The following ELAC2 variants were observed in gnomAD, a reference collection of about 807,000 sequenced individuals.
ELAC2 encodes elaC ribonuclease Z 2, also known as zinc phosphodiesterase ELAC protein 2.
ELAC2 carries 92 observed loss-of-function variants against 105.2 expected under a neutral mutation model. The observed-to-expected ratio is 0.87, with a 90% CI of 0.74 to 1.04. The LOEUF (loss-of-function observed/expected upper bound fraction) is 1.04. Among genes scored for constraint, ELAC2 ranks in the 50% least tolerant of loss-of-function variants. ELAC2 has a pLI of 0.00. For missense variants in ELAC2, 1,099 were observed against 1,071.7 expected (o/e 1.03, Z -0.36); for synonymous variants, 468 against 409.1 (o/e 1.14, Z -1.74).
chr17:13,004,641 T>C (rs1052852810), intron 11 of ELAC2, among the ~76,000 whole-genome samples: 5 of 152,234 alleles, frequency 3.3e-5, no homozygotes, highest in African/African-American at 9.6e-5. Context: ...ATGCAGGTAA[T>C]GGAAGAAAAT....
intron 5 of ELAC2, 56 bp from the exon 6 acceptor site, chr17:13,013,331 G>C: frequency 6.3e-7 from 1 of 1,590,004 alleles, no homozygotes; most frequent in Non-Finnish European, 8.6e-7. Context: ...TGTGTGGGAA[G>C]AGTAACTTCA....
chr17:13,011,659 T>C lies in ELAC2; in HGVS notation c.679+4A>G, dbSNP rs778170718. The C allele has an allele frequency of 1.2e-6, 2 of 1,614,196 alleles. No individual in the cohort carries two copies. The highest frequency in any genetic ancestry group is 1.7e-6 in the Non-Finnish European group (2 of 1,180,030). Reference sequence around the variant, plus strand: ...CTGCTGCTCTGTTTTGTTTATACTATTACCATGTGGAAGGTGTGGCTCATT... The same window carrying C: ...CTGCTGCTCTGTTTTGTTTATACTACTACCATGTGGAAGGTGTGGCTCATT... On this transcript the variant is annotated splice_donor_region_variant and intron_variant, in intron 7 of 23. Transcript: ENST00000338034.
Position 12,992,921 on chromosome 17 carries a change from G to A in ELAC2, c.2378C>T (p.Ala793Val), listed in dbSNP as rs774414219. Residue 793 changes from alanine to valine, a missense_variant, in exon 24 of 24, where the codon GCC becomes GTC. By Grantham distance (64) the Ala-to-Val change is moderately conservative. Transcript: ENST00000338034. ...EKRELRQVRA[A>V]LLSRELAGGL... is the part of the protein sequence containing the mutation. The stretch of plus-strand genomic sequence containing the variant: ...GCCTGCCAGCTCCCTGGACAGGAGG[G>A]CCGCCCGCACCTGCCGCAGCTCCCG... The A allele has an allele frequency of 6.2e-7, 1 of 1,611,362 alleles. No individual in the cohort carries two copies. Among genetic ancestry groups the A allele is most frequent in the East Asian group, 2.2e-5 (1 of 44,862 alleles).
intron 3 of ELAC2, among the ~76,000 whole-genome samples, chr17:13,016,035 G>A (rs1176766980): frequency 1.3e-5 from 2 of 152,244 alleles, no homozygotes; most frequent in African/African-American, 4.8e-5. Flanking sequence ...CCTCTAGAAT[G>A]GGCTGAGCTG....
At position 12,996,528 on chromosome 17, in the gene ELAC2, G is replaced by A. The variant is rs2040477483; in HGVS notation, c.1659+19C>T. The A allele has an allele frequency of 6.2e-7, 1 of 1,613,456 alleles. No individual in the cohort carries two copies. ...TGCCTCCTCCAGGCTCCAGCTTTGT[G>A]GTCCAGCCCAACACTCACCGTGTGG... On this transcript the variant is annotated intron_variant, in intron 17 of 23. Coordinates refer to ENST00000338034, the MANE Select transcript of ELAC2 (RefSeq NM_018127.7).
At chr17:13,012,482 C>A (rs564262589) in intron 6 of ELAC2, among the ~76,000 whole-genome samples, 5 of 152,134 alleles carry the variant, frequency 3.3e-5, no homozygotes, top group African/African-American at 1.2e-4. Context: ...GGCCTAGGAG[C>A]ACTTGTGCCA....
At chr17:12,995,480 G>C (rs904877074) in intron 19 of ELAC2, among the ~76,000 whole-genome samples, 1 of 152,238 alleles carries the variant, frequency 6.6e-6, no homozygotes, top group Non-Finnish European at 1.5e-5. Flanking sequence ...CTCAAATGAG[G>C]ACTGGGAAGA....
chr17:12,996,307 G>T, intron 17 of ELAC2: 1 of 662,002 alleles, frequency 1.5e-6, no homozygotes. Context: ...AAGACTCAAG[G>T]AAGGCTGGGT....
Position 12,993,930 on chromosome 17 carries a change from G to C in ELAC2, c.2109-99C>G. The stretch of plus-strand genomic sequence containing the variant: ...CTGGCCATCAACTGCCAGGGCACCC[G>C]GGGAAGCTGGTGGGTTTTCTTAACG... On this transcript the variant is annotated intron_variant, in intron 22 of 23. Coordinates refer to ENST00000338034, the MANE Select transcript of ELAC2 (RefSeq NM_018127.7). The C allele has an allele frequency of 3.2e-6, 5 of 1,566,412 alleles. No homozygotes were observed. The South Asian group carries it at 4.5e-5, about 14-fold the overall frequency.
At chr17:13,017,003 C>A in intron 2 of ELAC2, 68 bp downstream of exon 2, 2 of 1,612,440 alleles carry the variant, frequency 1.2e-6, no homozygotes, top group Non-Finnish European at 1.7e-6. Flanking sequence ...TAAAAAACAA[C>A]TGGCCTCTCA....
rs750658377 is a variant in ELAC2 at position 13,018,019 on chromosome 17, G to A, written c.-72C>T. 11 of 1,530,034 alleles carry A rather than the reference G, an allele frequency of 7.2e-6. No homozygotes were observed. Among genetic ancestry groups the A allele is most frequent in the Non-Finnish European group, 9.6e-6 (11 of 1,144,752 alleles). The allele number at this position is 1,530,034 out of a possible 1,614,324, so 94.8% of individuals were successfully genotyped here. A position where few individuals can be genotyped will look rare whatever the true frequency, so the allele number is the denominator to read the frequency against. ...CGCGTTTCCCGTGCACCACCTAGCC[G>A]CTCCGCATGGCGGATCCAGCCAATC... On this transcript the variant is annotated 5_prime_UTR_variant, in exon 1 of 24. Transcript: ENST00000338034.
rs1458659316 is a variant in ELAC2 at position 13,011,673 on chromosome 17, G to A, written c.669C>T (p.His223=). The stretch of plus-strand genomic sequence containing the variant: ...TGTTTATACTATTACCATGTGGAAG[G>A]TGTGGCTCATTTTCATTCGACTCGG... ...SDSESNENEP[H]LPHGVSQRRG... Residue 223 remains histidine, a synonymous_variant, in exon 7 of 24, where the codon CAC becomes CAT. Transcript: ENST00000338034. 1 of 1,614,076 alleles carries A rather than the reference G, an allele frequency of 6.2e-7. No homozygotes were observed. Among genetic ancestry groups the A allele is most frequent in the Non-Finnish European group, 8.5e-7 (1 of 1,180,048 alleles).
Position 12,991,860 on chromosome 17 carries a change from C to CTTACT in ELAC2, c.*953_*957dup, listed in dbSNP as rs1555570447. Among the ~76,000 whole-genome samples, 2 of 144,904 alleles carry CTTACT rather than the reference C, an allele frequency of 1.4e-5. No homozygotes were observed. The highest frequency in any genetic ancestry group is 4.9e-5 in the African/African-American group (2 of 40,574). On this transcript the variant is annotated 3_prime_UTR_variant, in exon 24 of 24. Transcript: ENST00000338034. ...ATACTAGATTCAACTTACTTACTTA[C>CTTACT]TTACTTACTTTACTTACTTACTTCC...
chr17:12,992,113 C>T lies in ELAC2; in HGVS notation c.*705G>A, dbSNP rs985141288. 2.5e-4 allele frequency among the ~76,000 whole-genome samples: 37 copies of T among 148,470 alleles called. No homozygotes were observed. Among genetic ancestry groups the T allele is most frequent in the Non-Finnish European group, 4.6e-4 (31 of 66,818 alleles). On this transcript the variant is annotated 3_prime_UTR_variant, in exon 24 of 24. Coordinates refer to ENST00000338034, the MANE Select transcript of ELAC2 (RefSeq NM_018127.7). ...GACCAATGACACCAGCCCAGCCAGGCTCTCACTGATTGATTTGATTGATTG... is the reference window on the plus strand; with the variant it reads ...GACCAATGACACCAGCCCAGCCAGGTTCTCACTGATTGATTTGATTGATTG...
At chr17:13,013,528 G>A (rs199551376) in intron 5 of ELAC2, among the ~76,000 whole-genome samples, 1 of 125,602 alleles carries the variant, frequency 8.0e-6, no homozygotes, top group Admixed American at 8.6e-5. Flanking sequence ...GTTAAAAATT[G>A]AAAAACAAGA....
In ELAC2 at chr17:13,005,774, G is replaced by A. The variant is rs2143626129; in HGVS notation, c.849C>T (p.Ser283=). The A allele has an allele frequency of 6.2e-7, 1 of 1,614,180 alleles. No homozygotes were observed. The highest frequency in any genetic ancestry group is 8.5e-7 in the Non-Finnish European group (1 of 1,180,040). ...PIIAAVKDGK[S]ITHEGREILA... ...TCACCTCTCTTCCTTCATGAGTGAT[G>A]CTTTTCCCGTCCTTGACAGCAGCAA... Residue 283 remains serine (S), a synonymous_variant, in exon 10 of 24, where the codon AGC becomes AGT. Coordinates refer to ENST00000338034, the MANE Select transcript of ELAC2 (RefSeq NM_018127.7).
intron 16 of ELAC2, among the ~76,000 whole-genome samples, chr17:12,997,099 T>C (rs148796002): frequency 1.4e-3 from 213 of 152,288 alleles, no homozygotes; most frequent in Non-Finnish European, 2.4e-3. Context: ...GCCATCGGAC[T>C]TTTCCCCCTT....
Position 12,992,366 on chromosome 17 carries a change from C to CAGG in ELAC2, c.*449_*451dup. On this transcript the variant is annotated 3_prime_UTR_variant, in exon 24 of 24. Coordinates refer to ENST00000338034, the MANE Select transcript of ELAC2 (RefSeq NM_018127.7). ...AGCAGACCCTGCTCTGTAGCAGCAGCAGGAGGAAGCAAAAGAACTCACAAT... is the reference window on the plus strand; with the variant it reads ...AGCAGACCCTGCTCTGTAGCAGCAGCAGGAGGAGGAAGCAAAAGAACTCACAAT... 2.8e-6 allele frequency: 1 copy of CAGG among 354,284 alleles called. No homozygotes were observed. The highest frequency in any genetic ancestry group is 2.1e-5 in the African/African-American group (1 of 48,754). The allele number at this position is 354,284 out of a possible 1,614,324, so 21.9% of individuals were successfully genotyped here.
Position 13,011,732 on chromosome 17 carries a change from G to A in ELAC2, c.610C>T (p.Leu204Phe), listed in dbSNP as rs2041424962. Residue 204 changes from leucine to phenylalanine, a missense_variant, in exon 7 of 24, where the codon CTC (leucine) becomes TTC (phenylalanine). Coordinates refer to ENST00000338034, the MANE Select transcript of ELAC2 (RefSeq NM_018127.7). ...HQPWQSPERP[L>F]SRLSPERSSD... is the part of the protein sequence containing the mutation. Reference sequence around the variant, plus strand: ...GATCGCTCTGGACTGAGCCTGCTGAGAGGCCTTTCTGGACTCTGCCATGGT... The same window carrying A: ...GATCGCTCTGGACTGAGCCTGCTGAAAGGCCTTTCTGGACTCTGCCATGGT... The A allele has an allele frequency of 1.9e-6, 3 of 1,614,152 alleles. No homozygotes were observed. The highest frequency in any genetic ancestry group is 2.5e-6 in the Non-Finnish European group (3 of 1,180,036).
Sources: allele counts gnomAD v4.1 joint callset (sites outside exome capture counted in the v4.1 genomes callset), GRCh38; gene constraint gnomAD v4.1.1; transcripts MANE v1.5; gene names NCBI Gene and HGNC (gene_info 2026-07-23, HGNC 2026-07-21).